The following RPS6KA2 variants were observed in gnomAD, a reference collection of about 807,000 sequenced individuals.
RPS6KA2 encodes the protein ribosomal protein S6 kinase alpha-2.
A neutral mutation model predicts 91.8 loss-of-function variants in RPS6KA2; 42 were observed. That is an observed-to-expected ratio of 0.46 (90% CI 0.36 to 0.59). RPS6KA2 has a LOEUF of 0.59. RPS6KA2 is among the 20% of genes least tolerant of loss of function. The pLI, the probability that RPS6KA2 is intolerant of heterozygous loss-of-function variation, is 0.00. For missense variants in RPS6KA2, 798 were observed against 978.5 expected (o/e 0.82, Z 2.46); for synonymous variants, 414 against 393.6 (o/e 1.05, Z -0.61).
intron 3 of RPS6KA2, among the ~76,000 whole-genome samples, chr6:166,519,782 T>C (rs1782783069): frequency 6.6e-6 from 1 of 152,226 alleles, no homozygotes; most frequent in Non-Finnish European, 1.5e-5. Flanking sequence ...CAGGCAGCAA[T>C]GCAGGCATTG....
At chr6:166,458,206 G>A (rs927121813) in intron 12 of RPS6KA2, among the ~76,000 whole-genome samples, 1 of 152,178 alleles carries the variant, frequency 6.6e-6, no homozygotes, top group Non-Finnish European at 1.5e-5. Flanking sequence ...TCTCATCTTG[G>A]AGCCCTCATA....
At chr6:166,584,881 G>A (rs1337852848) in intron 1 of RPS6KA2, among the ~76,000 whole-genome samples, 19 of 152,150 alleles carry the variant, frequency 1.2e-4, no homozygotes, top group Admixed American at 1.2e-3. Flanking sequence ...TGGAACTCAG[G>A]GTTTACAATA....
At chr6:166,518,156 G>A (rs1266455253) in intron 3 of RPS6KA2, among the ~76,000 whole-genome samples, 3 of 150,470 alleles carry the variant, frequency 2.0e-5, no homozygotes, top group African/African-American at 7.3e-5. Context: ...GAATGGTGGT[G>A]TGCACCTGCA....
chr6:166,751,857 AAGG>A, intron 2 of RPS6KA2, among the ~76,000 whole-genome samples: 1 of 151,254 alleles, frequency 6.6e-6, no homozygotes, highest in East Asian at 2.1e-4. Flanking sequence ...CCTGTGGACC[AAGG>A]ACAGCATGGA....
upstream of RPS6KA2, among the ~76,000 whole-genome samples, chr6:166,630,981 T>C (rs1173204504): frequency 6.6e-6 from 1 of 152,116 alleles, no homozygotes; most frequent in African/African-American, 2.4e-5. Flanking sequence ...GGGAAGGGCT[T>C]CTTGGGCCCT....
At chr6:166,745,477 CCAGT>C (rs1343454029) in intron 2 of RPS6KA2, among the ~76,000 whole-genome samples, 11 of 152,110 alleles carry the variant, frequency 7.2e-5, no homozygotes, top group Non-Finnish European at 1.6e-4. Context: ...CATAAAGACA[CCAGT>C]CAGATTGGAC....
In RPS6KA2 at chr6:166,726,585, C is replaced by T. The variant is rs759891732; in HGVS notation, c.123+131615G>A. Among the ~76,000 whole-genome samples the T allele has an allele frequency of 1.3e-5, 2 of 152,216 alleles. No individual in the cohort carries two copies. The highest frequency in any genetic ancestry group is 2.9e-5 in the Non-Finnish European group (2 of 68,048). ...AGAACTTAAGACGTTTCTGAAGTGA[C>T]TCACCAACTGATCCAAAATATATAA... On this transcript the variant is annotated intron_variant, in intron 2 of 21. Transcript: ENST00000503859. This position sits in a 1 kb window ranked among gnomAD's most constrained non-coding sequence, Gnocchi z 4.4.
At chr6:166,585,104 G>A (rs1048374435) in intron 1 of RPS6KA2, among the ~76,000 whole-genome samples, 5 of 152,214 alleles carry the variant, frequency 3.3e-5, no homozygotes, top group Admixed American at 2.6e-4. Flanking sequence ...GTGGGGTGCA[G>A]GAAGCTCGAG....
intron 1 of RPS6KA2, among the ~76,000 whole-genome samples, chr6:166,542,747 G>A (rs1286413272): frequency 6.6e-6 from 1 of 152,186 alleles, no homozygotes; most frequent in African/African-American, 2.4e-5. Flanking sequence ...TTGGCCACTG[G>A]CTCTGCATGC....
chr6:166,513,579 C>T (rs572610536), intron 3 of RPS6KA2, among the ~76,000 whole-genome samples: 1 of 152,238 alleles, frequency 6.6e-6, no homozygotes, highest in African/African-American at 2.4e-5. Flanking sequence ...GCCTGCCCCG[C>T]TCCACTGGGT....
intron 2 of RPS6KA2, among the ~76,000 whole-genome samples, chr6:166,790,421 C>A (rs1779053269): frequency 6.6e-6 from 1 of 152,080 alleles, no homozygotes; most frequent in South Asian, 2.1e-4. Flanking sequence ...AGAATGGAAC[C>A]AAGTTGGAAA....
intron 2 of RPS6KA2, among the ~76,000 whole-genome samples, chr6:166,642,188 G>A (rs1394829998): frequency 6.6e-6 from 1 of 152,048 alleles, no homozygotes; most frequent in Non-Finnish European, 1.5e-5. Flanking sequence ...ACAAATGAAT[G>A]TTAATTACTG....
intron 11 of RPS6KA2, among the ~76,000 whole-genome samples, chr6:166,461,758 T>C (rs1780317326): frequency 6.6e-6 from 1 of 152,170 alleles, no homozygotes; most frequent in Non-Finnish European, 1.5e-5. Context: ...CAGTGTGAAG[T>C]GTTTACCTCC....
At chr6:166,455,652 G>A (rs921056149) in intron 12 of RPS6KA2, among the ~76,000 whole-genome samples, 4 of 152,218 alleles carry the variant, frequency 2.6e-5, no homozygotes, top group Non-Finnish European at 4.4e-5. Context: ...ATTCTGCAGC[G>A]CGACCCGGCA....
intron 2 of RPS6KA2, among the ~76,000 whole-genome samples, chr6:166,708,444 T>C (rs1369359040): frequency 6.6e-6 from 1 of 152,192 alleles, no homozygotes; most frequent in Non-Finnish European, 1.5e-5. Flanking sequence ...AAATCTCAAC[T>C]CTCAAAAAGC....
At chr6:166,556,488 C>T (rs921719131) in intron 1 of RPS6KA2, among the ~76,000 whole-genome samples, 4 of 152,172 alleles carry the variant, frequency 2.6e-5, no homozygotes, top group Admixed American at 2.6e-4. Context: ...CCCTTCATCA[C>T]AGAAGAAAGT....
At chr6:166,640,542 G>A (rs540759913) in intron 2 of RPS6KA2, among the ~76,000 whole-genome samples, 4 of 152,324 alleles carry the variant, frequency 2.6e-5, no homozygotes, top group East Asian at 3.9e-4. Context: ...TCCCTGCTCC[G>A]CTGGGTTTTT....
At chr6:166,426,255 G>A (rs983701251) in intron 16 of RPS6KA2, among the ~76,000 whole-genome samples, 12 of 146,574 alleles carry the variant, frequency 8.2e-5, no homozygotes, top group African/African-American at 3.0e-4. Context: ...TGAAACCAAC[G>A]AGAACAAAGA....
intron 2 of RPS6KA2, among the ~76,000 whole-genome samples, chr6:166,748,588 C>CCACCTCCTCAGGCCCCCACCTCCT (rs1791114726): frequency 9.4e-6 from 1 of 106,276 alleles, no homozygotes. Flanking sequence ...CCTCGGGCCC[C>CCACCTCCTCAGGCCCCCACCTCCT]CATTTCCTCA....
Sources: allele counts gnomAD v4.1 joint callset (sites outside exome capture counted in the v4.1 genomes callset), GRCh38; gene constraint gnomAD v4.1.1; non-coding constraint Gnocchi (gnomAD v3.1); transcripts MANE v1.5; gene names NCBI Gene and HGNC (gene_info 2026-07-23, HGNC 2026-07-21).